The following PATJ variants were observed in gnomAD, a reference collection of about 807,000 sequenced individuals.
The protein encoded by PATJ is PATJ crumbs cell polarity complex component, also known as inaD-like protein.
A neutral mutation model predicts 224.9 loss-of-function variants in PATJ; 190 were observed. That is an observed-to-expected ratio of 0.84 (90% confidence interval 0.75 to 0.95). The LOEUF is 0.95. PATJ is among the 40% of genes least tolerant of loss of function. The probability of loss-of-function intolerance (pLI) is 0.00; values close to 1 mark genes in which losing one functional copy is unlikely to be tolerated. For missense variants in PATJ, 2,121 were observed against 2,270.3 expected, an observed-to-expected ratio of 0.93 and a Z score of 1.34; for synonymous variants, 769 against 820.3, an observed-to-expected ratio of 0.94 and a Z score of 1.07.
chr1:62,097,702 C>A (rs886500254), intron 33 of PATJ, among the ~76,000 whole-genome samples: 6 of 152,146 alleles, frequency 3.9e-5, no homozygotes, highest in Non-Finnish European at 7.3e-5. Context: ...AATTGCAAAC[C>A]CATAGAATTG....
chr1:62,106,351 G>T (rs2148861890), intron 33 of PATJ, among the ~76,000 whole-genome samples: 1 of 149,438 alleles, frequency 6.7e-6, no homozygotes, highest in African/African-American at 2.4e-5. Flanking sequence ...CACACGTATA[G>T]TCCCAGCTAC....
At chr1:61,809,658 A>G (rs1654301061) in intron 14 of PATJ, among the ~76,000 whole-genome samples, 1 of 152,056 alleles carries the variant, frequency 6.6e-6, no homozygotes, top group South Asian at 2.1e-4. Flanking sequence ...AAGTGCTGGG[A>G]TTACAGGCAT....
At chr1:61,844,965 T>C (rs1661697386) in intron 17 of PATJ, among the ~76,000 whole-genome samples, 1 of 152,146 alleles carries the variant, frequency 6.6e-6, no homozygotes, top group Admixed American at 6.6e-5. Flanking sequence ...ACCTCCTTTC[T>C]TTTACAAATT....
intron 34 of PATJ, among the ~76,000 whole-genome samples, chr1:62,110,151 C>T (rs146714355): frequency 1.3e-5 from 2 of 152,320 alleles, no homozygotes; most frequent in African/African-American, 4.8e-5. Flanking sequence ...CCAGTACAGG[C>T]TCCTCTCTTA....
At chr1:62,079,191 G>A (rs1471519618) in intron 31 of PATJ, among the ~76,000 whole-genome samples, 1 of 152,100 alleles carries the variant, frequency 6.6e-6, no homozygotes, top group Non-Finnish European at 1.5e-5. Flanking sequence ...AGATCACACT[G>A]ACAGAGTATC....
chr1:61,985,836 A>G (rs1216590375), intron 27 of PATJ, among the ~76,000 whole-genome samples: 1 of 152,074 alleles, frequency 6.6e-6, no homozygotes, highest in Non-Finnish European at 1.5e-5. Flanking sequence ...CATTTTTCTT[A>G]AAACAAACAA....
rs1460603695 is a variant in PATJ at position 62,025,115 on chromosome 1, A to G, written c.3959+7168A>G. ...ACTGTCAAAGAATCTTAATGAACAG[A>G]TAAGAAATAGAGCTATCTGAACAAA... is the stretch of plus-strand genomic sequence containing the variant. On this transcript the variant is annotated intron_variant, in intron 29 of 43. Transcript: ENST00000642238. Among the ~76,000 whole-genome samples, 6 of 152,326 alleles carry G rather than the reference A, an allele frequency of 3.9e-5. No homozygotes were observed. The East Asian group carries it at 1.2e-3, about 29-fold the overall frequency.
chr1:62,127,842 A>G lies in PATJ; in HGVS notation c.5044-130A>G, dbSNP rs890660785. 7.3e-6 allele frequency: 6 copies of G among 824,818 alleles called. No individual in the cohort carries two copies. The African/African-American group carries it at 1.0e-4, about 14-fold the overall frequency. 51.1% of individuals were successfully genotyped at this position (824,818 alleles called of 1,614,324 possible). On this transcript the variant is annotated intron_variant, in intron 39 of 43. Coordinates refer to ENST00000642238, the MANE Select transcript of PATJ (RefSeq NM_001350145.3). Reference sequence around the variant, plus strand: ...GAGCTGTCTACTCCAAAGGTTCCACATTTAACTCCTATGTTATCCTGGCCT... The same window carrying G: ...GAGCTGTCTACTCCAAAGGTTCCACGTTTAACTCCTATGTTATCCTGGCCT...
rs1472561849 is a variant in PATJ, at chr1:61,822,942, C to T, written c.1684-3C>T. On this transcript the variant is annotated splice_region_variant and splice_polypyrimidine_tract_variant and intron_variant, in intron 14 of 43. Coordinates refer to ENST00000642238, the MANE Select transcript of PATJ (RefSeq NM_001350145.3). ...TTGATCATTGCTTTGTGTTTTGCTACAGCTGCTGCCTATTCACACTCTGAG... is the reference window on the plus strand; with the variant it reads ...TTGATCATTGCTTTGTGTTTTGCTATAGCTGCTGCCTATTCACACTCTGAG... 7 of 1,613,854 alleles carry T rather than the reference C, an allele frequency of 4.3e-6. No individual in the cohort carries two copies. In the Admixed American group the frequency reaches 8.3e-5, roughly 19 times the overall value.
intron 22 of PATJ, among the ~76,000 whole-genome samples, chr1:61,891,251 T>C (rs1253218553): frequency 1.3e-5 from 2 of 152,144 alleles, no homozygotes; most frequent in Admixed American, 1.3e-4. Context: ...AGGCTAGGTG[T>C]CATAGTTGGG....
intron 34 of PATJ, among the ~76,000 whole-genome samples, chr1:62,112,630 C>G (rs772703498): frequency 6.6e-6 from 1 of 152,212 alleles, no homozygotes; most frequent in Non-Finnish European, 1.5e-5. Flanking sequence ...ATGGAACTGA[C>G]ATCTTGGGGG....
chr1:62,117,249 A>C, intron 37 of PATJ, 31 bp downstream of exon 37: 1 of 1,613,242 alleles, frequency 6.2e-7, no homozygotes. Context: ...AGACTGACTC[A>C]CTCTTCTGCC....
chr1:61,957,240 C>A (rs1680564158), intron 27 of PATJ, among the ~76,000 whole-genome samples: 1 of 152,080 alleles, frequency 6.6e-6, no homozygotes, highest in Admixed American at 6.6e-5. Context: ...GGAACAATGG[C>A]TCACTAAAGA....
intron 1 of PATJ, 45 bp downstream of exon 1, chr1:61,742,600 G>A (rs1644808510): frequency 6.6e-6 from 1 of 152,312 alleles, no homozygotes; most frequent in Non-Finnish European, 1.5e-5. Flanking sequence ...TCGCCCCTGG[G>A]TGTCCCCGCG....
intron 1 of PATJ, among the ~76,000 whole-genome samples, chr1:61,755,452 A>G (rs568631487): frequency 6.6e-6 from 1 of 152,306 alleles, no homozygotes; most frequent in East Asian, 1.9e-4. Context: ...AAATAAATTG[A>G]GATACATGGC....
intron 10 of PATJ, among the ~76,000 whole-genome samples, chr1:61,796,597 C>A (rs1651155717): frequency 6.6e-6 from 1 of 152,112 alleles, no homozygotes; most frequent in Non-Finnish European, 1.5e-5. Flanking sequence ...GAGGAAGTTT[C>A]TCAGCATGTT....
intron 31 of PATJ, among the ~76,000 whole-genome samples, chr1:62,063,705 T>C (rs1373181219): frequency 6.6e-6 from 1 of 152,216 alleles, no homozygotes; most frequent in Non-Finnish European, 1.5e-5. Context: ...GTAGTTCTCC[T>C]TATAGAGATC....
At chr1:61,759,704 G>T (rs995432354) in intron 1 of PATJ, among the ~76,000 whole-genome samples, 1 of 152,168 alleles carries the variant, frequency 6.6e-6, no homozygotes, top group Non-Finnish European at 1.5e-5. Flanking sequence ...CACAGCGCCC[G>T]GGCTGATCGC....
chr1:62,044,228 T>C (rs1652080983), intron 30 of PATJ, among the ~76,000 whole-genome samples: 1 of 152,206 alleles, frequency 6.6e-6, no homozygotes, highest in Non-Finnish European at 1.5e-5. Context: ...ACTTATTACT[T>C]TAACTGAAAT....
Sources: gnomAD v4.1 joint callset for allele counts (sites outside exome capture counted in the v4.1 genomes callset) on GRCh38, gnomAD v4.1.1 for gene constraint, MANE v1.5 for transcripts, NCBI Gene and HGNC (gene_info 2026-07-23, HGNC 2026-07-21) for gene names.